Variants in UBE2F observed in about 807,000 individuals in gnomAD.
UBE2F encodes the protein NEDD8-conjugating enzyme UBE2F.
Under a neutral mutation model 29.6 loss-of-function variants are expected in UBE2F, and 5 were observed. The observed-to-expected ratio is 0.17, with a 90% confidence interval of 0.09 to 0.36. The LOEUF is 0.36. Ranked by LOEUF, UBE2F falls within the 10% of genes least tolerant of loss-of-function variation. The pLI is 1.00. For synonymous variants in UBE2F, 66 were observed against 81.8 expected, an observed-to-expected ratio of 0.81 and a Z score of 1.04; for missense variants, 141 against 228.5, an observed-to-expected ratio of 0.62 and a Z score of 2.47.
chr2:237,970,953 C>G (rs1320328304), intron 1 of UBE2F, among the ~76,000 whole-genome samples: 1 of 152,210 alleles, frequency 6.6e-6, no homozygotes, highest in Non-Finnish European at 1.5e-5. Flanking sequence ...CCTCAGGTGA[C>G]CCACCTGCCT....
chr2:238,003,539 A>G (rs2063840674), intron 4 of UBE2F: 1 of 346,416 alleles, frequency 2.9e-6, no homozygotes, highest in African/African-American at 2.1e-5. Context: ...TGAGTATGAC[A>G]TGAATTGTTT....
intron 3 of UBE2F, among the ~76,000 whole-genome samples, chr2:237,990,230 G>C (rs1480043643): frequency 1.3e-5 from 2 of 151,128 alleles, no homozygotes; most frequent in Non-Finnish European, 2.9e-5. Context: ...TGGGGGGGCA[G>C]GATAGACAAG....
At chr2:238,035,962 T>A in intron 9 of UBE2F, 22 bp downstream of exon 9, 5 of 1,606,280 alleles carry the variant, frequency 3.1e-6, no homozygotes, top group Non-Finnish European at 4.3e-6. Context: ...ACAGGCTTAT[T>A]CTAGGTTGAT....
chr2:237,971,065 G>A (rs1241717566), intron 1 of UBE2F, among the ~76,000 whole-genome samples: 2 of 152,176 alleles, frequency 1.3e-5, no homozygotes, highest in Non-Finnish European at 2.9e-5. Flanking sequence ...CAGCATTTAG[G>A]GGATATGCAG....
chr2:238,030,501 G>T (rs376814649), intron 6 of UBE2F, 55 bp from the exon 7 acceptor site: 1 of 1,345,562 alleles, frequency 7.4e-7, no homozygotes, highest in Non-Finnish European at 1.1e-6. Flanking sequence ...AGTTGGCAGC[G>T]TGCAGGGCAC....
chr2:238,012,815 T>C (rs895013031), intron 4 of UBE2F, among the ~76,000 whole-genome samples: 1 of 152,178 alleles, frequency 6.6e-6, no homozygotes, highest in African/African-American at 2.4e-5. Flanking sequence ...CATCCTCTTT[T>C]GTTGGCTCTC....
In UBE2F at chr2:238,041,399, C is replaced by A; in HGVS notation, c.*61C>A. Reference sequence around the variant, plus strand: ...ACAGTTTGTCTCTAACATGAAACAGCAAGAGGTAGCCCCCTCTCCCGTCCT... The same window carrying A: ...ACAGTTTGTCTCTAACATGAAACAGAAAGAGGTAGCCCCCTCTCCCGTCCT... On this transcript the variant is annotated 3_prime_UTR_variant, in exon 10 of 10. Coordinates refer to ENST00000272930, the MANE Select transcript of UBE2F (RefSeq NM_080678.3). The A allele has an allele frequency of 6.4e-7, 1 of 1,570,160 alleles. No individual in the cohort carries two copies. The highest frequency in any genetic ancestry group is 8.8e-7 in the Non-Finnish European group (1 of 1,141,874).
intron 2 of UBE2F, among the ~76,000 whole-genome samples, chr2:237,984,743 A>G (rs1481354366): frequency 1.3e-5 from 2 of 152,084 alleles, no homozygotes; most frequent in Non-Finnish European, 1.5e-5. Flanking sequence ...TTAGCTGTTT[A>G]TTGTAAATAT....
At chr2:238,023,029 T>C (rs575205914) in intron 5 of UBE2F, among the ~76,000 whole-genome samples, 122 of 152,182 alleles carry the variant, frequency 8.0e-4, no homozygotes, top group Middle Eastern at 6.8e-3. Context: ...CCGCAAGCCT[T>C]TGGGAGATGT....
At chr2:238,032,440 C>T (rs1274324431) in intron 8 of UBE2F, 186 bp downstream of exon 8, 8 of 565,014 alleles carry the variant, frequency 1.4e-5, no homozygotes, top group African/African-American at 1.9e-5. Flanking sequence ...GAGGCCCAAA[C>T]CCCATCTCTA....
At chr2:237,991,751 C>T (rs1422862196) in intron 3 of UBE2F, among the ~76,000 whole-genome samples, 2 of 151,512 alleles carry the variant, frequency 1.3e-5, no homozygotes, top group East Asian at 3.9e-4. Flanking sequence ...TACAGGTGCC[C>T]GCCACCACGC....
At chr2:237,981,668 C>G (rs1245505216) in intron 2 of UBE2F, among the ~76,000 whole-genome samples, 1 of 113,426 alleles carries the variant, frequency 8.8e-6, no homozygotes, top group Non-Finnish European at 1.6e-5. Flanking sequence ...AGTCTGTCAT[C>G]TAGGCTGGAG....
chr2:237,991,870 C>CT (rs71402746), intron 3 of UBE2F, among the ~76,000 whole-genome samples: 53,239 of 142,472 alleles, frequency 0.37, 9,820 homozygotes, highest in East Asian at 0.51. Context: ...TTGATAATTT[C>CT]TTTTTTTTTT....
chr2:238,041,325 G>A lies in UBE2F; in HGVS notation c.545G>A (p.Arg182His), dbSNP rs750109431. 9.9e-6 allele frequency: 16 copies of A among 1,613,936 alleles called. No individual in the cohort carries two copies. Among genetic ancestry groups the A allele is most frequent in the Admixed American group, 3.3e-5 (2 of 60,016 alleles). The change falls in exon 10 of 10, where the codon CGT becomes CAT. Residue 182 changes from arginine to histidine, a missense_variant. Physicochemically the swap from Arg to His is conservative, Grantham distance 29. Coordinates refer to ENST00000272930, the MANE Select transcript of UBE2F (RefSeq NM_080678.3). Reference sequence around the variant, plus strand: ...AATAAAGTGGATGACTACATCAAACGTTATGCCAGATGATAAAAGGGGACG... The same window carrying A: ...AATAAAGTGGATGACTACATCAAACATTATGCCAGATGATAAAAGGGGACG... Reference protein sequence around the residue: ...FRNKVDDYIKRYAR With the variant: ...FRNKVDDYIKHYAR
intron 4 of UBE2F, among the ~76,000 whole-genome samples, chr2:237,998,238 CA>C (rs2063726782): frequency 6.6e-6 from 1 of 152,078 alleles, no homozygotes; most frequent in South Asian, 2.1e-4. Flanking sequence ...CATATGTAAC[CA>C]TAACCCCAAT....
At chr2:238,023,879 A>G (rs945394440) in intron 5 of UBE2F, among the ~76,000 whole-genome samples, 1 of 152,180 alleles carries the variant, frequency 6.6e-6, no homozygotes, top group Admixed American at 6.5e-5. Context: ...GTTTATGACC[A>G]GCAGATCCTC....
intron 3 of UBE2F, among the ~76,000 whole-genome samples, chr2:237,991,708 C>T (rs2063594830): frequency 6.7e-6 from 1 of 149,722 alleles, no homozygotes; most frequent in Non-Finnish European, 1.5e-5. Flanking sequence ...ATTCAAGTGA[C>T]TTTCCTGCCT....
In UBE2F at chr2:238,008,979, A is replaced by T. The variant is rs185486781; in HGVS notation, c.215-7587A>T. Among the ~76,000 whole-genome samples the T allele has an allele frequency of 4.0e-3, 616 of 152,172 alleles. 18 individuals are homozygous for T. Among genetic ancestry groups the T allele is most frequent in the Non-Finnish European group, 1.3e-3 (88 of 68,018 alleles). On this transcript the variant is annotated intron_variant, in intron 4 of 9. Coordinates refer to ENST00000272930, the MANE Select transcript of UBE2F (RefSeq NM_080678.3). Reference sequence around the variant, plus strand: ...CCTTGAAGATTTTTTTGTAGTGCAGATTTGCTTGTGATGAATTCTGTCAAG... The same window carrying T: ...CCTTGAAGATTTTTTTGTAGTGCAGTTTTGCTTGTGATGAATTCTGTCAAG...
intron 3 of UBE2F, chr2:237,990,568 C>A (rs1231364089): frequency 5.4e-6 from 1 of 185,978 alleles, no homozygotes; most frequent in Non-Finnish European, 1.1e-5. Flanking sequence ...TGCTACCACG[C>A]CTAGCTAATT....
Sources: allele counts gnomAD v4.1 joint callset (sites outside exome capture counted in the v4.1 genomes callset), GRCh38; gene constraint gnomAD v4.1.1; transcripts MANE v1.5; gene names NCBI Gene and HGNC (gene_info 2026-07-23, HGNC 2026-07-21).